The following SLC24A2 variants were observed in gnomAD, a reference collection of about 807,000 sequenced individuals.
The protein encoded by SLC24A2 is solute carrier family 24 member 2.
In SLC24A2, 36 loss-of-function variants were observed where a neutral mutation model predicts 62.0. The observed-to-expected ratio is 0.58, with a 90% CI of 0.44 to 0.77. The LOEUF is 0.77. Among genes scored for constraint, SLC24A2 ranks in the 30% least tolerant of loss-of-function variants. SLC24A2 has a pLI of 0.00. For synonymous variants in SLC24A2, 358 were observed against 294.0 expected (o/e 1.22, Z -2.23); for missense variants, 846 against 817.9 (o/e 1.03, Z -0.42).
Position 19,545,668 on chromosome 9 carries a change from T to C in SLC24A2, c.1479+4469A>G, listed in dbSNP as rs186375949. 3.3e-5 allele frequency among the ~76,000 whole-genome samples: 5 copies of C among 151,874 alleles called. No individual in the cohort carries two copies. In the East Asian group the frequency reaches 9.7e-4, roughly 29 times the overall value. On this transcript the variant is annotated intron_variant, in intron 8 of 10. Transcript: ENST00000341998. ...TTTCTTTTTTTTTTGTGACAGAGTC[T>C]CATTCTGTTGCTTACGCTGGAGTGC...
At chr9:19,573,552 A>AAAGCAAATGGAATCAAT in intron 6 of SLC24A2, 83 bp from the exon 7 acceptor site, 1 of 881,770 alleles carries the variant, frequency 1.1e-6, no homozygotes, top group Non-Finnish European at 1.9e-6. Context: ...AGAGAGAGAG[A>AAAGCAAATGGAATCAAT]GAAAGCAAAT....
At chr9:19,519,005 G>C (rs1339385620) in intron 10 of SLC24A2, among the ~76,000 whole-genome samples, 2 of 152,048 alleles carry the variant, frequency 1.3e-5, no homozygotes, top group East Asian at 3.9e-4. Context: ...AGGTTTTTCT[G>C]CATAAAGATG....
the SLC24A2 span, among the ~76,000 whole-genome samples, chr9:20,009,745 G>A: frequency 2.2e-4 from 33 of 152,144 alleles, no homozygotes; most frequent in Non-Finnish European, 3.4e-4. Flanking sequence ...GGAGGCAACC[G>A]GCAATTACCT....
At chr9:20,142,325 C>G in the SLC24A2 span, among the ~76,000 whole-genome samples, 1 of 152,030 alleles carries the variant, frequency 6.6e-6, no homozygotes, top group African/African-American at 2.4e-5. Context: ...CAAGTTGTTC[C>G]TAAGCTACTA....
chr9:20,051,251 A>T, the SLC24A2 span, among the ~76,000 whole-genome samples: 4 of 152,166 alleles, frequency 2.6e-5, no homozygotes, highest in African/African-American at 9.7e-5. Flanking sequence ...TTTACTGAAA[A>T]CAAAGAGGGT....
chr9:20,235,682 G>T, the SLC24A2 span, among the ~76,000 whole-genome samples: 2 of 152,154 alleles, frequency 1.3e-5, no homozygotes, highest in African/African-American at 4.8e-5. Flanking sequence ...TGCTTCCCGG[G>T]TGAGGCAATG....
the SLC24A2 span, among the ~76,000 whole-genome samples, chr9:19,812,569 T>A: frequency 1.3e-5 from 2 of 152,318 alleles, no homozygotes; most frequent in South Asian, 2.1e-4. Flanking sequence ...TTTGTCTGTT[T>A]TCTCTAACAT....
the SLC24A2 span, among the ~76,000 whole-genome samples, chr9:19,970,166 T>C: frequency 6.6e-6 from 1 of 152,106 alleles, no homozygotes; most frequent in Admixed American, 6.5e-5. Flanking sequence ...TATGACCAGG[T>C]AGCTCCTTTA....
At chr9:19,562,848 T>C (rs1181519590) in intron 7 of SLC24A2, among the ~76,000 whole-genome samples, 2 of 152,180 alleles carry the variant, frequency 1.3e-5, no homozygotes, top group African/African-American at 2.4e-5. Context: ...CTCACACTTG[T>C]AGTCCCAGCA....
chr9:19,877,698 ACACT>A, the SLC24A2 span, among the ~76,000 whole-genome samples: 1 of 151,896 alleles, frequency 6.6e-6, no homozygotes, highest in Non-Finnish European at 1.5e-5. Context: ...AGCTCCAGAA[ACACT>A]CAGAGACAGG....
chr9:19,603,137 T>A (rs1006504624), intron 4 of SLC24A2, among the ~76,000 whole-genome samples: 1 of 152,128 alleles, frequency 6.6e-6, no homozygotes, highest in Non-Finnish European at 1.5e-5. Flanking sequence ...GCTCTTCTAA[T>A]AGAGTATTTC....
chr9:19,602,447 C>G (rs1260603248), intron 4 of SLC24A2, among the ~76,000 whole-genome samples: 1 of 152,100 alleles, frequency 6.6e-6, no homozygotes, highest in African/African-American at 2.4e-5. Context: ...AAAATAATGA[C>G]CAATGATGTC....
the SLC24A2 span, among the ~76,000 whole-genome samples, chr9:19,931,068 G>A: frequency 6.6e-6 from 1 of 152,058 alleles, no homozygotes; most frequent in African/African-American, 2.4e-5. Context: ...GATAACCATA[G>A]AATGTTACTT....
rs1030327329 is a variant in SLC24A2 at position 19,682,490 on chromosome 9, G to T, written c.931-60191C>A. The stretch of plus-strand genomic sequence containing the variant: ...GTAAATTTTAACTAAAATAGTAAAG[G>T]GGAAAAACTTCAACACCAAACCACA... On this transcript the variant is annotated intron_variant, in intron 2 of 10. Transcript: ENST00000341998. 2.0e-5 allele frequency among the ~76,000 whole-genome samples: 3 copies of T among 152,024 alleles called. No homozygotes were observed. In the East Asian group the frequency reaches 5.8e-4, roughly 29 times the overall value.
At chr9:19,617,464 T>G (rs1264494664) in intron 4 of SLC24A2, among the ~76,000 whole-genome samples, 1 of 152,238 alleles carries the variant, frequency 6.6e-6, no homozygotes, top group Non-Finnish European at 1.5e-5. Context: ...CATATCTATA[T>G]CTATATTCCT....
chr9:19,960,094 G>C, the SLC24A2 span, among the ~76,000 whole-genome samples: 2 of 152,200 alleles, frequency 1.3e-5, no homozygotes, highest in African/African-American at 4.8e-5. Context: ...CAGTGACCTT[G>C]AGGACAGAAG....
Position 19,731,515 on chromosome 9 carries a change from CCGTG to C in SLC24A2, c.930+54418_930+54421del, listed in dbSNP as rs1463142038. Among the ~76,000 whole-genome samples, 18 of 129,432 alleles carry C rather than the reference CCGTG, an allele frequency of 1.4e-4. No individual in the cohort carries two copies. In the East Asian group the frequency reaches 1.7e-3, roughly 12 times the overall value. The allele number at this position is 129,432 out of a possible 152,430, so 84.9% of individuals were successfully genotyped here. On this transcript the variant is annotated intron_variant, in intron 2 of 10. Coordinates refer to ENST00000341998, the MANE Select transcript of SLC24A2 (RefSeq NM_020344.4). Reference sequence around the variant, plus strand: ...CACTTGTTTCTCTCTCTCTCTCTCTCCGTGTGTGTGTGTGTGTGTGTGTGTGTGC... The same window carrying C: ...CACTTGTTTCTCTCTCTCTCTCTCTCTGTGTGTGTGTGTGTGTGTGTGTGC...
At chr9:19,774,235 T>C (rs1822776007) in intron 2 of SLC24A2, among the ~76,000 whole-genome samples, 1 of 152,126 alleles carries the variant, frequency 6.6e-6, no homozygotes, top group Non-Finnish European at 1.5e-5. Flanking sequence ...TGCTAAACAC[T>C]TTTCCTGTTT....
At chr9:19,964,755 T>G in the SLC24A2 span, among the ~76,000 whole-genome samples, 1 of 152,210 alleles carries the variant, frequency 6.6e-6, no homozygotes, top group Non-Finnish European at 1.5e-5. Context: ...TAACTCACTT[T>G]GTTGGCGTGA....
Sources: gnomAD v4.1 joint callset for allele counts (sites outside exome capture counted in the v4.1 genomes callset) on GRCh38, gnomAD v4.1.1 for gene constraint, MANE v1.5 for transcripts, NCBI Gene and HGNC (gene_info 2026-07-23, HGNC 2026-07-21) for gene names.